Variants in MYL6 observed in about 807,000 individuals in gnomAD.
The protein encoded by MYL6 is myosin light polypeptide 6.
In MYL6, 20 loss-of-function variants were observed where a neutral mutation model predicts 20.3. That is an observed-to-expected ratio of 0.98 (90% confidence interval 0.69 to 1.43). The LOEUF (loss-of-function observed/expected upper bound fraction) is 1.43, where lower values mean the gene tolerates loss of function less well. Ranked by LOEUF, MYL6 falls within the 40% of genes most tolerant of loss-of-function variation. The pLI is 0.00. For missense variants in MYL6, 164 were observed against 191.0 expected (o/e 0.86, Z 0.83); for synonymous variants, 77 against 72.4 (o/e 1.06, Z -0.32).
intron 6 of MYL6, 116 bp from the exon 7 acceptor site, chr12:56,161,271 G>A: frequency 2.4e-6 from 3 of 1,239,628 alleles, no homozygotes; most frequent in Non-Finnish European, 3.6e-6. Flanking sequence ...CCCCAGGGTT[G>A]GTTGCTGTGG....
intron 2 of MYL6, chr12:56,159,304 CCT>C (rs1474160147): frequency 4.9e-6 from 2 of 406,088 alleles, no homozygotes; most frequent in Non-Finnish European, 8.9e-6. Context: ...GAATTCCTGC[CCT>C]GAGAAGTGTA....
chr12:56,159,687 C>G lies in MYL6; in HGVS notation c.132C>G (p.Thr44=). The change falls in exon 3 of 7, where the codon ACC becomes ACG. Residue 44 remains threonine (T), a synonymous_variant. Coordinates refer to ENST00000550697, the MANE Select transcript of MYL6 (RefSeq NM_021019.5). ...DVMRALGQNP[T]NAEVLKVLGN... ...TGAGGGCCCTGGGCCAGAACCCTACCAACGCCGAGGTGCTCAAGGTCCTGG... is the reference window on the plus strand; with the variant it reads ...TGAGGGCCCTGGGCCAGAACCCTACGAACGCCGAGGTGCTCAAGGTCCTGG... 1 of 1,614,158 alleles carries G rather than the reference C, an allele frequency of 6.2e-7. No individual in the cohort carries two copies. The highest frequency in any genetic ancestry group is 1.1e-5 in the South Asian group (1 of 91,086).
chr12:56,160,310 C>T lies in MYL6; in HGVS notation c.417C>T (p.Ile139=). 1 of 1,614,186 alleles carries T rather than the reference C, an allele frequency of 6.2e-7. No homozygotes were observed. Among genetic ancestry groups the T allele is most frequent in the Non-Finnish European group, 8.5e-7 (1 of 1,180,034 alleles). Residue 139 remains isoleucine (I), a synonymous_variant, in exon 5 of 7, where the codon ATC becomes ATT. Transcript: ENST00000550697. ...GGCATGAGGACAGCAATGGTTGTAT[C>T]AACTATGAAGGTAAGAGGTGAACTG... is the stretch of plus-strand genomic sequence containing the variant. The part of the protein sequence containing the change: ...VAGHEDSNGC[I]NYEAFVRHIL...
Position 56,160,655 on chromosome 12 carries a change from C to T in MYL6, c.*1C>T, listed in dbSNP as rs530415173. On this transcript the variant is annotated 3_prime_UTR_variant, in exon 6 of 7. Transcript: ENST00000550697. Reference sequence around the variant, plus strand: ...TGTGAGGCATATCCTGTCGGGGTGACGGGCCCATGGGGCGGGTACGGCTCC... The same window carrying T: ...TGTGAGGCATATCCTGTCGGGGTGATGGGCCCATGGGGCGGGTACGGCTCC... 20 of 1,613,970 alleles carry T rather than the reference C, an allele frequency of 1.2e-5. No homozygotes were observed. Among genetic ancestry groups the T allele is most frequent in the African/African-American group, 8.0e-5 (6 of 74,906 alleles).
In MYL6 at chr12:56,161,526, T is replaced by A; in HGVS notation, c.*156T>A. Reference sequence around the variant, plus strand: ...CAGCAACTTTCCCATCTTGTCTCTCTTGGATGATGTTTGCCGTCAGCATTC... The same window carrying A: ...CAGCAACTTTCCCATCTTGTCTCTCATGGATGATGTTTGCCGTCAGCATTC... On this transcript the variant is annotated 3_prime_UTR_variant, in exon 7 of 7. Transcript: ENST00000550697. 3 of 1,327,792 alleles carry A rather than the reference T, an allele frequency of 2.3e-6. No homozygotes were observed. The highest frequency in any genetic ancestry group is 3.2e-6 in the Non-Finnish European group (3 of 924,876). The allele number at this position is 1,327,792 out of a possible 1,614,324, so 82.3% of individuals were successfully genotyped here.
chr12:56,161,554 C>A lies in MYL6; in HGVS notation c.*184C>A. 3.7e-6 allele frequency: 4 copies of A among 1,092,336 alleles called. No individual in the cohort carries two copies. The highest frequency in any genetic ancestry group is 5.6e-6 in the Non-Finnish European group (4 of 716,092). The allele number at this position is 1,092,336 out of a possible 1,614,324, so 67.7% of individuals were successfully genotyped here. ...GATGATGTTTGCCGTCAGCATTCAC[C>A]AAATAAACTTGCTCTCTGGGCCCTC... On this transcript the variant is annotated 3_prime_UTR_variant, in exon 7 of 7. Transcript: ENST00000550697.
intron 1 of MYL6, 88 bp from the exon 2 acceptor site, chr12:56,158,594 CAG>C (rs1491066967): frequency 1.1e-5 from 17 of 1,593,964 alleles, no homozygotes; most frequent in African/African-American, 4.3e-5. Context: ...GTTTGTGGGT[CAG>C]AGTTTGTGGG....
chr12:56,161,452 C>T lies in MYL6; in HGVS notation c.*82C>T. The stretch of plus-strand genomic sequence containing the variant: ...GTCTCCCCAGAGTCCGTGCCTTTCC[C>T]TGTGTGAATTTTGTATCTAGCCTAA... On this transcript the variant is annotated 3_prime_UTR_variant, in exon 7 of 7. Transcript: ENST00000550697. The T allele has an allele frequency of 6.2e-7, 1 of 1,612,706 alleles. No individual in the cohort carries two copies. Among genetic ancestry groups the T allele is most frequent in the Non-Finnish European group, 8.5e-7 (1 of 1,178,716 alleles).
At chr12:56,159,829 G>A (rs753535313) in intron 3 of MYL6, 99 bp downstream of exon 3, 198 of 1,534,730 alleles carry the variant, frequency 1.3e-4, no homozygotes, top group Non-Finnish European at 1.7e-4. Context: ...ACTCAAGCAA[G>A]TCTGGATTAG....
rs138572799 is a variant in MYL6 at position 56,160,369 on chromosome 12, G to A, written c.427+49G>A. On this transcript the variant is annotated intron_variant, in intron 5 of 6. Transcript: ENST00000550697. ...CAGAGAAAGCAGCCATATGGGGCAG[G>A]TCAAGTATAGTGTCTGGGGCTTTCC... 225 of 1,608,090 alleles carry A rather than the reference G, an allele frequency of 1.4e-4. 2 individuals carry two copies. The East Asian group carries it at 4.9e-3, about 35-fold the overall frequency.
chr12:56,158,983 G>A lies in MYL6; in HGVS notation c.31+272G>A, dbSNP rs1225390015. Reference sequence around the variant, plus strand: ...GTCACTTAATGCCTGCTGTGTGTGGGGTCTCGGGAGGGTGTATAAAGCTGC... The same window carrying A: ...GTCACTTAATGCCTGCTGTGTGTGGAGTCTCGGGAGGGTGTATAAAGCTGC... On this transcript the variant is annotated intron_variant, in intron 2 of 6. Transcript: ENST00000550697. 7.4e-6 allele frequency: 10 copies of A among 1,348,886 alleles called. No homozygotes were observed. In the African/African-American group the frequency reaches 9.0e-5, roughly 12 times the overall value. 83.6% of individuals were successfully genotyped at this position (1,348,886 alleles called of 1,614,324 possible). A position where few individuals can be genotyped will look rare whatever the true frequency, so the allele number is the denominator to read the frequency against.
In MYL6 at chr12:56,160,817, G is replaced by A. The variant is rs548977156; in HGVS notation, c.*16+147G>A. 2.7e-4 allele frequency: 243 copies of A among 899,518 alleles called. 2 individuals carry two copies. The African/African-American group carries it at 3.3e-3, about 12-fold the overall frequency. The allele number at this position is 899,518 out of a possible 1,614,324, so 55.7% of individuals were successfully genotyped here. A position where few individuals can be genotyped will look rare whatever the true frequency, so the allele number is the denominator to read the frequency against. ...GCATGGAGCTGACTAGGGAGGGGAG[G>A]GATTCCTCAAAGAGGAAGACAACCT... On this transcript the variant is annotated intron_variant, in intron 6 of 6. Transcript: ENST00000550697.
intron 4 of MYL6, 34 bp from the exon 5 acceptor site, chr12:56,160,209 C>A (rs1340224815): frequency 1.9e-6 from 3 of 1,613,834 alleles, no homozygotes; most frequent in Admixed American, 1.7e-5. Flanking sequence ...TCACTTGTCA[C>A]CCAATTCCAA....
intron 1 of MYL6, 70 bp from the exon 2 acceptor site, chr12:56,158,614 T>A (rs1184071053): frequency 6.2e-7 from 1 of 1,613,622 alleles, no homozygotes; most frequent in African/African-American, 1.3e-5. Flanking sequence ...GGGTCAGAGT[T>A]TGTGGGGCTG....
At chr12:56,160,839 A>G in intron 6 of MYL6, 169 bp downstream of exon 6, 1 of 710,404 alleles carries the variant, frequency 1.4e-6, no homozygotes, top group Non-Finnish European at 2.4e-6. Flanking sequence ...GAGGAAGACA[A>G]CCTGGGGGTA....
At chr12:56,159,813 C>A in intron 3 of MYL6, 83 bp downstream of exon 3, 1 of 1,544,472 alleles carries the variant, frequency 6.5e-7, no homozygotes, top group Admixed American at 2.1e-5. Flanking sequence ...TCTTCATAGG[C>A]CCCAAACTCA....
chr12:56,158,418 C>A lies in MYL6; in HGVS notation c.3+14C>A. The A allele has an allele frequency of 6.5e-7, 1 of 1,535,266 alleles. No homozygotes were observed. The highest frequency in any genetic ancestry group is 1.3e-5 in the South Asian group (1 of 78,244). On this transcript the variant is annotated intron_variant, in intron 1 of 6. Coordinates refer to ENST00000550697, the MANE Select transcript of MYL6 (RefSeq NM_021019.5). ...GCAGTCAAGATGGTGGGGCCCAGGT[C>A]TTGGGAGACGGGCAGGATTGGGGAC...
chr12:56,161,010 G>A (rs571734259), intron 6 of MYL6: 19 of 559,276 alleles, frequency 3.4e-5, no homozygotes, highest in African/African-American at 2.6e-4. Flanking sequence ...TGGGTTGCCT[G>A]CCCCATTCTG....
Position 56,160,290 on chromosome 12 carries a change from G to A in MYL6, c.397G>A (p.Glu133Lys), listed in dbSNP as rs1467858870. ...AGTAGAGATGCTGGTGGCAGGGCAT[G>A]AGGACAGCAATGGTTGTATCAACTA... ...EEVEMLVAGHEDSNGCINYEA... is the reference protein window; with the variant it reads ...EEVEMLVAGHKDSNGCINYEA... Residue 133 changes from glutamate (E) to lysine (K), a missense_variant, in exon 5 of 7, where the codon GAG becomes AAG. Transcript: ENST00000550697. The A allele has an allele frequency of 7.4e-6, 12 of 1,614,244 alleles. No individual in the cohort carries two copies. The highest frequency in any genetic ancestry group is 1.3e-5 in the African/African-American group (1 of 75,068).
Sources: allele counts gnomAD v4.1 joint callset, GRCh38; gene constraint gnomAD v4.1.1; transcripts MANE v1.5; gene names NCBI Gene and HGNC (gene_info 2026-07-23, HGNC 2026-07-21).